The following POLE variants were observed in gnomAD, a reference collection of about 807,000 sequenced individuals.
POLE encodes the protein DNA polymerase epsilon catalytic subunit A.
Under a neutral mutation model 279.2 loss-of-function variants are expected in POLE, and 188 were observed. The ratio of observed to expected loss-of-function variants is 0.67; its 90% confidence interval spans 0.60 to 0.76. POLE has a LOEUF of 0.76. Ranked by LOEUF, POLE falls within the 30% of genes least tolerant of loss-of-function variation. POLE has a pLI of 0.00. For missense variants in POLE, 2,703 were observed against 3,016.7 expected, an observed-to-expected ratio of 0.90 and a Z score of 2.44; for synonymous variants, 1,214 against 1,172.5, an observed-to-expected ratio of 1.04 and a Z score of -0.72.
At position 132,675,779 on chromosome 12, in the gene POLE, G is replaced by A. The variant is rs145245295; in HGVS notation, c.1062C>T (p.Thr354=). 1 of 1,614,144 alleles carries A rather than the reference G, an allele frequency of 6.2e-7. No homozygotes were observed. The change falls in exon 11 of 49, where the codon ACC becomes ACT. Residue 354 remains threonine, a synonymous_variant. Coordinates refer to ENST00000320574, the MANE Select transcript of POLE (RefSeq NM_006231.4). The surrounding 1 kb of genome is among the most constrained non-coding windows in gnomAD (Gnocchi z 4.3). ...TGTAGGTGACCATGATGGTGGGTTT[G>A]GTCTCCTGGACGTGTTCAAACCACC... ...IQRWFEHVQE[T]KPTIMVTYNG...
chr12:132,685,898 G>C (rs2043249789), intron 1 of POLE, among the ~76,000 whole-genome samples: 1 of 151,306 alleles, frequency 6.6e-6, no homozygotes, highest in Non-Finnish European at 1.5e-5. Flanking sequence ...TTTTGAGACA[G>C]AGTTTCATTC....
At chr12:132,643,683 C>G (rs373834051) in intron 33 of POLE, 123 bp from the exon 34 acceptor site, 1 of 1,491,646 alleles carries the variant, frequency 6.7e-7, no homozygotes, top group Admixed American at 1.8e-5. Context: ...CCAAAGGCCA[C>G]TTTTGGCAGA....
intron 16 of POLE, among the ~76,000 whole-genome samples, chr12:132,671,609 C>T (rs1411867899): frequency 7.0e-6 from 1 of 143,684 alleles, no homozygotes; most frequent in Non-Finnish European, 1.5e-5. Flanking sequence ...GCAGAGGTTG[C>T]AGTGAGCCAA....
chr12:132,663,451 A>T (rs1327100169), intron 23 of POLE, among the ~76,000 whole-genome samples: 1 of 152,246 alleles, frequency 6.6e-6, no homozygotes, highest in Non-Finnish European at 1.5e-5. Flanking sequence ...ACGAGAAACA[A>T]CAGACAACCC....
rs1462826498 is a variant in POLE, at chr12:132,642,940, G to A, written c.4608C>T (p.Leu1536=). Residue 1536 remains leucine, a synonymous_variant, in exon 36 of 49, where the codon CTC becomes CTT. Transcript: ENST00000320574. ...GCTCAGGGCCCACCTTCTCCAGGAG[G>A]AGGCCGTGCTCTGCTGAGTACAGGG... ...LGALYSAEHG[L]LLEKVGPELL... 1.2e-6 allele frequency: 2 copies of A among 1,612,066 alleles called. No individual in the cohort carries two copies. The highest frequency in any genetic ancestry group is 1.7e-5 in the Admixed American group (1 of 59,396).
At chr12:132,683,368 T>A (rs776471633) in intron 1 of POLE, among the ~76,000 whole-genome samples, 12 of 152,034 alleles carry the variant, frequency 7.9e-5, no homozygotes, top group Non-Finnish European at 1.8e-4. Flanking sequence ...GTTCTGAAGA[T>A]GAAGAAGCAG....
At chr12:132,677,228 A>C in intron 8 of POLE, 135 bp downstream of exon 8, 1 of 702,308 alleles carries the variant, frequency 1.4e-6, no homozygotes, top group Non-Finnish European at 2.5e-6. Context: ...TTCTAACTCC[A>C]TATTTCCTTT....
At chr12:132,629,025 T>C (rs530241306) in intron 45 of POLE, among the ~76,000 whole-genome samples, 4 of 152,228 alleles carry the variant, frequency 2.6e-5, no homozygotes, top group Non-Finnish European at 5.9e-5. Flanking sequence ...AATCACTATC[T>C]ATGGCAGCTA....
At position 132,624,431 on chromosome 12, in the gene POLE, G is replaced by A. The variant is rs1030229442; in HGVS notation, c.*266C>T. ...AAAAGCATTCACTGCGTGAGAAACGGCGCCCAGGGCACTCGCAGCCTCGCT... is the reference window on the plus strand; with the variant it reads ...AAAAGCATTCACTGCGTGAGAAACGACGCCCAGGGCACTCGCAGCCTCGCT... On this transcript the variant is annotated 3_prime_UTR_variant, in exon 49 of 49. Coordinates refer to ENST00000320574, the MANE Select transcript of POLE (RefSeq NM_006231.4). 5.5e-6 allele frequency: 3 copies of A among 546,980 alleles called. No homozygotes were observed. The highest frequency in any genetic ancestry group is 3.8e-5 in the African/African-American group (2 of 53,062). The allele number at this position is 546,980 out of a possible 1,614,324, so 33.9% of individuals were successfully genotyped here.
intron 45 of POLE, among the ~76,000 whole-genome samples, chr12:132,630,557 C>G (rs958060781): frequency 2.0e-5 from 3 of 152,054 alleles, no homozygotes; most frequent in African/African-American, 7.2e-5. Context: ...CGAGACCAGC[C>G]TGGCCAACAT....
intron 6 of POLE, among the ~76,000 whole-genome samples, chr12:132,678,164 C>T (rs926342272): frequency 2.0e-5 from 3 of 151,358 alleles, no homozygotes; most frequent in Admixed American, 6.6e-5. Context: ...GGCAACAGAG[C>T]GAGACTCCAT....
At chr12:132,686,786 C>A (rs1016524240) in intron 1 of POLE, among the ~76,000 whole-genome samples, 2 of 152,090 alleles carry the variant, frequency 1.3e-5, no homozygotes, top group African/African-American at 4.8e-5. Flanking sequence ...CCAGGCTGAT[C>A]TAGAACAGGA....
intron 29 of POLE, among the ~76,000 whole-genome samples, chr12:132,656,877 G>A (rs2042552261): frequency 1.3e-5 from 2 of 152,314 alleles, no homozygotes; most frequent in South Asian, 4.1e-4. Flanking sequence ...AAGGCACTGA[G>A]TCTAAGTAGT....
In POLE at chr12:132,639,248, T is replaced by C. The variant is rs777390504; in HGVS notation, c.5429A>G (p.His1810Arg). Residue 1810 changes from histidine to arginine, a missense_variant, in exon 40 of 49, where the codon CAC becomes CGC. His to Arg is a conservative substitution (Grantham distance 29, BLOSUM62 0). Around this residue, in one of 5 missense-constraint regions of POLE, gnomAD observed 1,551 missense variants for 1,686.1 expected, o/e 0.92. Transcript: ENST00000320574. The surrounding 1 kb of genome is among the most constrained non-coding windows in gnomAD (Gnocchi z 4.7). ...VGWVKEITQYHNIYADNQVMH... is the reference protein window; with the variant it reads ...VGWVKEITQYRNIYADNQVMH... ...CACCTGGTTGTCTGCATAGATGTTG[T>C]GGTACTGGGTGATCTCCTTCACCCA... 1.9e-6 allele frequency: 3 copies of C among 1,614,160 alleles called. No individual in the cohort carries two copies. The highest frequency in any genetic ancestry group is 2.2e-5 in the East Asian group (1 of 44,876).
chr12:132,625,066 G>T, intron 47 of POLE, 72 bp from the exon 48 acceptor site: 1 of 1,138,804 alleles, frequency 8.8e-7, no homozygotes, highest in Non-Finnish European at 1.3e-6. Flanking sequence ...TTCTTCACAG[G>T]CTCGCGAGAC....
At chr12:132,669,429 A>C (rs1013115389) in intron 16 of POLE, among the ~76,000 whole-genome samples, 1 of 151,880 alleles carries the variant, frequency 6.6e-6, no homozygotes, top group Admixed American at 6.6e-5. Flanking sequence ...GCACCACTGC[A>C]CTCCAGCCTG....
chr12:132,676,029 T>C (rs1195238638), intron 10 of POLE, 65 bp downstream of exon 10: 19 of 1,149,382 alleles, frequency 1.7e-5, no homozygotes, highest in Non-Finnish European at 1.7e-5. Flanking sequence ...CCTGAGGCCT[T>C]GGAAAGATCC....
intron 31 of POLE, 104 bp from the exon 32 acceptor site, chr12:132,649,176 C>G: frequency 6.6e-7 from 1 of 1,510,878 alleles, no homozygotes; most frequent in Non-Finnish European, 9.0e-7. Flanking sequence ...GGCCTTAGGC[C>G]TCCCTACGAT....
In POLE at chr12:132,641,690, G is replaced by A. The variant is rs1003504532; in HGVS notation, c.5335C>T (p.Pro1779Ser). 2.5e-6 allele frequency: 4 copies of A among 1,613,920 alleles called. No individual in the cohort carries two copies. The Admixed American group carries it at 6.7e-5, about 27-fold the overall frequency. Residue 1779 changes from proline (P) to serine (S), a missense_variant, in exon 39 of 49, where the codon CCG becomes TCG. Transcript: ENST00000320574. ...MITGGQAASA[P>S]ASYDETALCS... ...AGGGCTGTCTCATCGTAGCTGGCCG[G>A]GGCACTGGCAGCCTGACCACCCGTG... is the stretch of plus-strand genomic sequence containing the variant.
Sources: allele counts gnomAD v4.1 joint callset (sites outside exome capture counted in the v4.1 genomes callset), GRCh38; gene constraint gnomAD v4.1.1; regional missense constraint gnomAD v4.1.1; non-coding constraint Gnocchi (gnomAD v3.1); transcripts MANE v1.5; gene names NCBI Gene and HGNC (gene_info 2026-07-23, HGNC 2026-07-21).